Variants in MAP3K1 observed in about 807,000 individuals in gnomAD.
The protein encoded by MAP3K1 is mitogen-activated protein kinase kinase kinase 1.
In MAP3K1, 36 loss-of-function variants were observed where a neutral mutation model predicts 144.2. The observed-to-expected ratio is 0.25, with a 90% CI of 0.19 to 0.33. The LOEUF (loss-of-function observed/expected upper bound fraction) is 0.33, where lower values mean the gene tolerates loss of function less well. Ranked by LOEUF, MAP3K1 falls within the 10% of genes least tolerant of loss-of-function variation. The pLI is 1.00. For missense variants in MAP3K1, 1,650 were observed against 1,881.9 expected (o/e 0.88, Z 2.28); for synonymous variants, 718 against 688.7 (o/e 1.04, Z -0.67).
At chr5:56,867,158 G>GT (rs1747700714) in intron 6 of MAP3K1, among the ~76,000 whole-genome samples, 1 of 152,106 alleles carries the variant, frequency 6.6e-6, no homozygotes, top group Non-Finnish European at 1.5e-5. Context: ...TGACATTTCT[G>GT]TAACTTTTTA....
intron 1 of MAP3K1, among the ~76,000 whole-genome samples, chr5:56,855,527 G>A (rs1272272812): frequency 2.0e-5 from 3 of 152,088 alleles, no homozygotes; most frequent in Non-Finnish European, 2.9e-5. Flanking sequence ...TCAGTGAAAC[G>A]GGTTAACCGT....
chr5:56,867,573 T>C lies in MAP3K1; in HGVS notation c.1301+1596T>C, dbSNP rs181089785. On this transcript the variant is annotated intron_variant, in intron 6 of 19. Coordinates refer to ENST00000399503, the MANE Select transcript of MAP3K1 (RefSeq NM_005921.2). The stretch of plus-strand genomic sequence containing the variant: ...AGTCAACCTAATAACCGAAGAAATG[T>C]TCATTTTTTAAAAAAAGATACCAGT... Among the ~76,000 whole-genome samples, 1,134 of 152,260 alleles carry C rather than the reference T, an allele frequency of 7.4e-3. 12 individuals are homozygous for C. The highest frequency in any genetic ancestry group is 0.026 in the African/African-American group (1,068 of 41,544).
At chr5:56,888,421 C>A in intron 19 of MAP3K1, 64 bp downstream of exon 19, 2 of 1,482,468 alleles carry the variant, frequency 1.3e-6, no homozygotes, top group Non-Finnish European at 9.4e-7. Context: ...TGGCAGGAGG[C>A]AAATTTTGAT....
chr5:56,841,278 C>T (rs114930683), intron 1 of MAP3K1, among the ~76,000 whole-genome samples: 1,553 of 151,412 alleles, frequency 0.01, 32 homozygotes, highest in African/African-American at 0.035. Flanking sequence ...TCTACTTTCT[C>T]GAATGTTCTG....
At chr5:56,885,904 T>A in intron 16 of MAP3K1, 28 bp from the exon 17 acceptor site, 1 of 1,605,074 alleles carries the variant, frequency 6.2e-7, no homozygotes, top group Non-Finnish European at 8.5e-7. Context: ...GTCTTAAGTT[T>A]ATGATAATTA....
At chr5:56,859,392 T>TG in intron 2 of MAP3K1, among the ~76,000 whole-genome samples, 1 of 152,232 alleles carries the variant, frequency 6.6e-6, no homozygotes, top group East Asian at 1.9e-4. Context: ...CACCTTTGAT[T>TG]GTTGCTTTTG....
chr5:56,818,798 A>G (rs1746064796), intron 1 of MAP3K1, among the ~76,000 whole-genome samples: 1 of 152,226 alleles, frequency 6.6e-6, no homozygotes, highest in Non-Finnish European at 1.5e-5. Flanking sequence ...CCCGTGAAAG[A>G]ACAAGATATG....
chr5:56,880,462 C>T (rs908376389), intron 11 of MAP3K1, among the ~76,000 whole-genome samples: 1 of 152,098 alleles, frequency 6.6e-6, no homozygotes, highest in Non-Finnish European at 1.5e-5. Context: ...TAAATCAGTA[C>T]TTGCAAAGAG....
intron 1 of MAP3K1, among the ~76,000 whole-genome samples, chr5:56,824,670 A>G (rs1176732091): frequency 6.6e-6 from 1 of 152,276 alleles, no homozygotes; most frequent in Admixed American, 6.5e-5. Flanking sequence ...TATCCAAGAT[A>G]GTTATAGAAA....
At position 56,894,143 on chromosome 5, in the gene MAP3K1, C is replaced by T. The variant is rs941798513; in HGVS notation, c.*463C>T. 9.8e-6 allele frequency: 3 copies of T among 307,622 alleles called. No individual in the cohort carries two copies. The highest frequency in any genetic ancestry group is 6.3e-5 in the African/African-American group (3 of 47,772). 19.1% of individuals were successfully genotyped at this position (307,622 alleles called of 1,614,324 possible). A position where few individuals can be genotyped will look rare whatever the true frequency, so the allele number is the denominator to read the frequency against. On this transcript the variant is annotated 3_prime_UTR_variant, in exon 20 of 20. Coordinates refer to ENST00000399503, the MANE Select transcript of MAP3K1 (RefSeq NM_005921.2). Reference sequence around the variant, plus strand: ...AAATCAGTATCTGCCTCTTTTAGGTCAGAGTATGCTATGAGTAGCAATACA... The same window carrying T: ...AAATCAGTATCTGCCTCTTTTAGGTTAGAGTATGCTATGAGTAGCAATACA...
chr5:56,893,837 C>T lies in MAP3K1; in HGVS notation c.*157C>T. ...TTACCTAAGTATGTGATTGACAAAT[C>T]ATGATCTGTACCTAAGCTCAGTATG... On this transcript the variant is annotated 3_prime_UTR_variant, in exon 20 of 20. Transcript: ENST00000399503. 1.3e-6 allele frequency: 1 copy of T among 778,742 alleles called. No homozygotes were observed. Among genetic ancestry groups the T allele is most frequent in the Non-Finnish European group, 2.2e-6 (1 of 464,290 alleles). The allele number at this position is 778,742 out of a possible 1,614,324, so 48.2% of individuals were successfully genotyped here.
At chr5:56,827,874 A>T (rs968923030) in intron 1 of MAP3K1, among the ~76,000 whole-genome samples, 1 of 151,812 alleles carries the variant, frequency 6.6e-6, no homozygotes, top group African/African-American at 2.4e-5. Context: ...CAAAAAAAAA[A>T]AAGAACCTGG....
chr5:56,844,229 G>A lies in MAP3K1; in HGVS notation c.483-12371G>A, dbSNP rs186979019. ...TTTTGAGACAGAGTCTCGCTCTGTC[G>A]CCCAGGCTGGAGGGATCTCAGCTCA... On this transcript the variant is annotated intron_variant, in intron 1 of 19. Coordinates refer to ENST00000399503, the MANE Select transcript of MAP3K1 (RefSeq NM_005921.2). Among the ~76,000 whole-genome samples, 934 of 115,050 alleles carry A rather than the reference G, an allele frequency of 8.1e-3. 11 individuals carry two copies. Among genetic ancestry groups the A allele is most frequent in the African/African-American group, 0.029 (880 of 29,986 alleles). 75.5% of individuals were successfully genotyped at this position (115,050 alleles called of 152,430 possible).
At position 56,875,184 on chromosome 5, in the gene MAP3K1, C is replaced by G. The variant is rs2111921087; in HGVS notation, c.1839C>G (p.Ser613Arg). Reference sequence around the variant, plus strand: ...ATTCTGGGGGCAGCAGTGGAAGCAGCCCGAGTGGGGGAGCCACCAGTGGGT... The same window carrying G: ...ATTCTGGGGGCAGCAGTGGAAGCAGGCCGAGTGGGGGAGCCACCAGTGGGT... Reference protein sequence around the residue: ...TGNSGGSSGSSPSGGATSGSS... With the variant: ...TGNSGGSSGSRPSGGATSGSS... Residue 613 changes from serine (S) to arginine (R), a missense_variant, in exon 10 of 20, where the codon AGC becomes AGG. Physicochemically the swap from Ser to Arg is moderately radical, Grantham distance 110. Around this residue, in one of 6 missense-constraint regions of MAP3K1, gnomAD observed 841 missense variants for 886.5 expected, o/e 0.95. Coordinates refer to ENST00000399503, the MANE Select transcript of MAP3K1 (RefSeq NM_005921.2). 4 of 1,614,130 alleles carry G rather than the reference C, an allele frequency of 2.5e-6. No homozygotes were observed. Among genetic ancestry groups the G allele is most frequent in the Non-Finnish European group, 3.4e-6 (4 of 1,180,014 alleles).
Position 56,859,727 on chromosome 5 carries a change from A to G in MAP3K1, c.646A>G (p.Ile216Val). ...NRRGPVVVKP[I>V]PVKGDGSEMN... is the part of the protein sequence containing the mutation. ...TACTTTGATTCAGGTGGTAAAACCA[A>G]TCCCAGTTAAAGGAGATGGATCTGA... Residue 216 changes from isoleucine to valine, a missense_variant, in exon 3 of 20, where the codon ATC becomes GTC. Ile to Val is a conservative substitution (Grantham distance 29). Transcript: ENST00000399503. The G allele has an allele frequency of 6.2e-7, 1 of 1,613,884 alleles. No homozygotes were observed.
intron 1 of MAP3K1, among the ~76,000 whole-genome samples, chr5:56,853,182 A>G (rs891566647): frequency 3.3e-5 from 5 of 152,348 alleles, no homozygotes; most frequent in African/African-American, 1.2e-4. Context: ...TGCCAGTTAA[A>G]TTATAATAAC....
chr5:56,816,128 C>G, intron 1 of MAP3K1, 73 bp downstream of exon 1: 1 of 1,165,696 alleles, frequency 8.6e-7, no homozygotes. Flanking sequence ...CCCCGGGCAC[C>G]ATGCACGGCG....
chr5:56,880,002 AGTCT>A (rs1426391221), intron 11 of MAP3K1, among the ~76,000 whole-genome samples: 1 of 152,226 alleles, frequency 6.6e-6, no homozygotes, highest in Non-Finnish European at 1.5e-5. Flanking sequence ...CATATCATGA[AGTCT>A]GTCTTTTGCC....
At chr5:56,831,920 C>T (rs1746506036) in intron 1 of MAP3K1, among the ~76,000 whole-genome samples, 1 of 152,110 alleles carries the variant, frequency 6.6e-6, no homozygotes. Context: ...TTCCTCTTTC[C>T]CCTTTTAGCT....
Sources: gnomAD v4.1 joint callset for allele counts (sites outside exome capture counted in the v4.1 genomes callset) on GRCh38, gnomAD v4.1.1 for gene constraint, gnomAD v4.1.1 regional missense constraint, MANE v1.5 for transcripts, NCBI Gene and HGNC (gene_info 2026-07-23, HGNC 2026-07-21) for gene names.